Variants in ASCC1 observed in about 807,000 individuals in gnomAD.
ASCC1 encodes ASC-1 complex subunit P50.
A neutral mutation model predicts 46.6 loss-of-function variants in ASCC1; 35 were observed. The ratio of observed to expected loss-of-function variants is 0.75; its 90% CI spans 0.57 to 0.99. ASCC1 has a LOEUF of 0.99. Among genes scored for constraint, ASCC1 ranks in the 50% least tolerant of loss-of-function variants. The pLI, the probability that ASCC1 is intolerant of heterozygous loss-of-function variation, is 0.00. For synonymous variants in ASCC1, 143 were observed against 146.6 expected (o/e 0.98, Z 0.18); for missense variants, 376 against 428.7 (o/e 0.88, Z 1.09).
In ASCC1 at chr10:72,140,040, C is replaced by T. The variant is rs558698253; in HGVS notation, c.747-6859G>A. On this transcript the variant is annotated intron_variant, in intron 7 of 9. Coordinates refer to ENST00000672957, the MANE Select transcript of ASCC1 (RefSeq NM_001198800.3). ...GGACCAGTATAGGTTGCAAGGAGGA[C>T]GGGCTTAGGATAAGAAGCTAACTGC... Among the ~76,000 whole-genome samples, 10 of 152,174 alleles carry T rather than the reference C, an allele frequency of 6.6e-5. 1 individual carries two copies. The South Asian group carries it at 8.3e-4, about 13-fold the overall frequency.
chr10:72,127,988 G>T, intron 9 of ASCC1, 94 bp downstream of exon 9: 2 of 977,458 alleles, frequency 2.0e-6, no homozygotes, highest in Non-Finnish European at 3.3e-6. Flanking sequence ...AAAGTATGAA[G>T]AAGTATGAAG....
chr10:72,132,720 T>C (rs1178600259), intron 8 of ASCC1, among the ~76,000 whole-genome samples: 1 of 151,888 alleles, frequency 6.6e-6, no homozygotes, highest in East Asian at 1.9e-4. Context: ...CCTTCCTTTC[T>C]TTTTTCTCTT....
chr10:72,099,646 C>A (rs1841499351), intron 9 of ASCC1, among the ~76,000 whole-genome samples: 1 of 152,170 alleles, frequency 6.6e-6, no homozygotes, highest in Non-Finnish European at 1.5e-5. Context: ...CATGGAGAAA[C>A]CCCGTCTCTA....
Position 72,096,931 on chromosome 10 carries a change from G to A in ASCC1, c.*403C>T, listed in dbSNP as rs1338750432. On this transcript the variant is annotated 3_prime_UTR_variant, in exon 10 of 10. Coordinates refer to ENST00000672957, the MANE Select transcript of ASCC1 (RefSeq NM_001198800.3). ...GAGGAGTGGGAATTACTGTTTAATG[G>A]GTACAGTTTCCATTTTACAAGCTGA... The A allele has an allele frequency of 2.2e-6, 1 of 454,272 alleles. No homozygotes were observed. The highest frequency in any genetic ancestry group is 6.9e-5 in the East Asian group (1 of 14,410). The allele number at this position is 454,272 out of a possible 1,614,324, so 28.1% of individuals were successfully genotyped here.
chr10:72,154,614 C>T lies in ASCC1; in HGVS notation c.627-1626G>A, dbSNP rs1417649070. ...TCAAGCAATTCTTGTGCCTCAGCCTCCCAAGTAGCTGGAATTATAAACATG... is the reference window on the plus strand; with the variant it reads ...TCAAGCAATTCTTGTGCCTCAGCCTTCCAAGTAGCTGGAATTATAAACATG... On this transcript the variant is annotated intron_variant, in intron 6 of 9. Coordinates refer to ENST00000672957, the MANE Select transcript of ASCC1 (RefSeq NM_001198800.3). Among the ~76,000 whole-genome samples, 4 of 151,800 alleles carry T rather than the reference C, an allele frequency of 2.6e-5. No individual in the cohort carries two copies. In the East Asian group the frequency reaches 7.7e-4, roughly 29 times the overall value.
chr10:72,159,511 G>A (rs1477581191), intron 6 of ASCC1: 1 of 152,120 alleles, frequency 6.6e-6, no homozygotes, highest in Non-Finnish European at 1.5e-5. Flanking sequence ...TTATCCCAAT[G>A]GCAGCCAAGG....
intron 5 of ASCC1, among the ~76,000 whole-genome samples, chr10:72,195,952 T>C (rs552202109): frequency 3.7e-4 from 56 of 152,356 alleles, no homozygotes; most frequent in African/African-American, 1.3e-3. Flanking sequence ...ATCTTTTCTG[T>C]ATTTTCTAAA....
intron 5 of ASCC1, among the ~76,000 whole-genome samples, chr10:72,184,106 T>G (rs1305745480): frequency 1.3e-5 from 2 of 151,666 alleles, no homozygotes; most frequent in African/African-American, 2.4e-5. Flanking sequence ...ACTGCACCAC[T>G]GCACTCCAGC....
intron 7 of ASCC1, among the ~76,000 whole-genome samples, chr10:72,135,259 CAGGTAGGAGGAATGAACAA>C (rs1354018647): frequency 1.4e-4 from 21 of 152,210 alleles, no homozygotes; most frequent in African/African-American, 4.8e-4. Flanking sequence ...AGCTCACATT[CAGGTAGGAGGAATGAACAA>C]ACACACACGC....
Position 72,128,159 on chromosome 10 carries a change from T to C in ASCC1, c.880A>G (p.Arg294Gly), listed in dbSNP as rs1465900827. The change falls in exon 9 of 10, where the codon AGG (arginine) becomes GGG (glycine). Residue 294 changes from arginine (R) to glycine (G), a missense_variant. By Grantham distance (125) the Arg-to-Gly change is moderately radical. Transcript: ENST00000672957. ...LFRKDPNAEGRYNLYTAEGKY... is the reference protein window; with the variant it reads ...LFRKDPNAEGGYNLYTAEGKY... ...CCTTCCGCTGTGTAGAGATTGTACCTGCCTTCAGCTGTAAATATTCCAAAG... is the reference window on the plus strand; with the variant it reads ...CCTTCCGCTGTGTAGAGATTGTACCCGCCTTCAGCTGTAAATATTCCAAAG... The C allele has an allele frequency of 6.2e-7, 1 of 1,612,618 alleles. No homozygotes were observed. The highest frequency in any genetic ancestry group is 2.2e-5 in the East Asian group (1 of 44,842).
At position 72,097,392 on chromosome 10, in the gene ASCC1, C is replaced by A; in HGVS notation, c.1016G>T (p.Arg339Met). ...GTTTCCAAAGCTGTCTACGGTGAAC[C>A]TCTGAGAGATGTGAATTGAATTCAG... The part of the protein sequence containing the change: ...LKLNSIHISQ[R>M]FTVDSFGNYA... The change falls in exon 10 of 10, where the codon AGG (arginine) becomes ATG (methionine). Residue 339 changes from arginine to methionine, a missense_variant. Physicochemically the swap from Arg to Met is moderately conservative, Grantham distance 91 (BLOSUM62 -1). Transcript: ENST00000672957. 6.2e-7 allele frequency: 1 copy of A among 1,613,992 alleles called. No homozygotes were observed. The highest frequency in any genetic ancestry group is 8.5e-7 in the Non-Finnish European group (1 of 1,179,902).
At chr10:72,140,851 T>C (rs1432986658) in intron 7 of ASCC1, among the ~76,000 whole-genome samples, 2 of 152,200 alleles carry the variant, frequency 1.3e-5, no homozygotes, top group Non-Finnish European at 2.9e-5. Flanking sequence ...CTCTCATCTT[T>C]TCACCAAACG....
intron 9 of ASCC1, among the ~76,000 whole-genome samples, chr10:72,106,176 T>C (rs772637923): frequency 1.3e-5 from 2 of 152,184 alleles, no homozygotes; most frequent in East Asian, 1.9e-4. Flanking sequence ...TCAATACTAC[T>C]TGAATAAGAA....
chr10:72,171,072 AAAAC>A (rs1169413132), intron 5 of ASCC1, among the ~76,000 whole-genome samples: 4 of 152,242 alleles, frequency 2.6e-5, no homozygotes, highest in Non-Finnish European at 4.4e-5. Context: ...ATGGAATACG[AAAAC>A]AAATAGTGAA....
intron 3 of ASCC1, among the ~76,000 whole-genome samples, chr10:72,209,538 C>G (rs1001140194): frequency 2.0e-5 from 3 of 152,102 alleles, no homozygotes; most frequent in African/African-American, 7.2e-5. Flanking sequence ...AATTCCGGCA[C>G]TTTGGGAAGC....
chr10:72,120,592 CAAAA>C (rs756385458), intron 9 of ASCC1, among the ~76,000 whole-genome samples: 1 of 92,118 alleles, frequency 1.1e-5, no homozygotes, highest in Non-Finnish European at 2.3e-5. Context: ...GAATAAAGAC[CAAAA>C]AAAAAAAAAA....
intron 5 of ASCC1, among the ~76,000 whole-genome samples, chr10:72,175,045 A>C (rs192399117): frequency 6.6e-6 from 1 of 152,236 alleles, no homozygotes; most frequent in African/African-American, 2.4e-5. Context: ...CAAATCTTGT[A>C]GAACTGTTTC....
intron 6 of ASCC1, among the ~76,000 whole-genome samples, chr10:72,157,366 C>A (rs1435968222): frequency 6.6e-6 from 1 of 152,194 alleles, no homozygotes; most frequent in Non-Finnish European, 1.5e-5. Flanking sequence ...ACTAAATACA[C>A]ATCCTCCGAC....
chr10:72,178,816 A>G lies in ASCC1; in HGVS notation c.490-17142T>C, dbSNP rs553042976. ...GGGTAAACTATAACCTGATATTTCAACAGAATCTTTCATATCAGAGATCCC... is the reference window on the plus strand; with the variant it reads ...GGGTAAACTATAACCTGATATTTCAGCAGAATCTTTCATATCAGAGATCCC... On this transcript the variant is annotated intron_variant, in intron 5 of 9. Transcript: ENST00000672957. Among the ~76,000 whole-genome samples, 5 of 152,346 alleles carry G rather than the reference A, an allele frequency of 3.3e-5. No individual in the cohort carries two copies. The South Asian group carries it at 1.0e-3, about 32-fold the overall frequency.
Sources: allele counts gnomAD v4.1 joint callset (sites outside exome capture counted in the v4.1 genomes callset), GRCh38; gene constraint gnomAD v4.1.1; transcripts MANE v1.5; gene names NCBI Gene and HGNC (gene_info 2026-07-23, HGNC 2026-07-21).